Variants in SUN3 observed in about 807,000 individuals in gnomAD.
SUN3 encodes the protein Sad1 and UNC84 domain containing 3.
SUN3 carries 36 observed loss-of-function variants against 48.2 expected under a neutral mutation model. The observed-to-expected ratio is 0.75, with a 90% CI of 0.57 to 0.99. SUN3 has a LOEUF of 0.99. Among genes scored for constraint, SUN3 ranks in the 50% least tolerant of loss-of-function variants. SUN3 has a pLI of 0.00. For missense variants in SUN3, 419 were observed against 433.1 expected (o/e 0.97, Z 0.29); for synonymous variants, 148 against 147.9 (o/e 1.00, Z 0.00).
chr7:47,998,516 T>C (rs926446893), intron 6 of SUN3, among the ~76,000 whole-genome samples: 6 of 152,230 alleles, frequency 3.9e-5, no homozygotes, highest in African/African-American at 1.4e-4. Flanking sequence ...TGTCTTTTCA[T>C]TCTCGTAACT....
intron 3 of SUN3, among the ~76,000 whole-genome samples, chr7:48,010,523 C>G (rs1353516896): frequency 6.6e-6 from 1 of 152,246 alleles, no homozygotes; most frequent in Admixed American, 6.5e-5. Flanking sequence ...TAATGTAGAT[C>G]AGAGTGGAGG....
chr7:48,026,648 A>AT (rs909463714), intron 1 of SUN3, among the ~76,000 whole-genome samples: 1 of 151,742 alleles, frequency 6.6e-6, no homozygotes, highest in African/African-American at 2.4e-5. Context: ...TTGTTACTGT[A>AT]TTTAGAGATA....
chr7:48,022,879 G>T (rs761392641), intron 2 of SUN3, among the ~76,000 whole-genome samples: 1 of 151,872 alleles, frequency 6.6e-6, no homozygotes, highest in African/African-American at 2.4e-5. Context: ...TATTTAAAGC[G>T]TTGAAAGAAA....
intron 8 of SUN3, among the ~76,000 whole-genome samples, chr7:47,993,381 A>T (rs532467900): frequency 1.3e-5 from 2 of 152,232 alleles, no homozygotes; most frequent in African/African-American, 2.4e-5. Context: ...ATTATACATA[A>T]TGACCAAAAA....
intron 8 of SUN3, 68 bp downstream of exon 8, chr7:47,994,247 G>A (rs1789141021): frequency 1.3e-6 from 2 of 1,496,030 alleles, no homozygotes; most frequent in Non-Finnish European, 9.2e-7. Flanking sequence ...TCAGAGGACA[G>A]CCCCTAATTC....
At chr7:47,989,685 G>A (rs1788997584) in intron 8 of SUN3, among the ~76,000 whole-genome samples, 1 of 152,144 alleles carries the variant, frequency 6.6e-6, no homozygotes, top group Non-Finnish European at 1.5e-5. Context: ...TGTATGTGGG[G>A]AAAAGAGAGA....
Position 48,007,297 on chromosome 7 carries a change from A to G in SUN3, c.360T>C (p.Phe120=), listed in dbSNP as rs1789552554. 4 of 1,613,988 alleles carry G rather than the reference A, an allele frequency of 2.5e-6. No homozygotes were observed. Among genetic ancestry groups the G allele is most frequent in the African/African-American group, 2.7e-5 (2 of 74,940 alleles). The change falls in exon 5 of 10, where the codon TTT becomes TTC. Residue 120 remains phenylalanine (F), a synonymous_variant. Coordinates refer to ENST00000297325, the MANE Select transcript of SUN3 (RefSeq NM_001030019.2). ...GTTCGATCAAAAATAGAATTTGACG[A>G]AAATTGTTTTCCAGATTCTGGCTTT... The part of the protein sequence containing the change: ...KKESQNLENN[F]RQILFLIEQI...
intron 4 of SUN3, among the ~76,000 whole-genome samples, chr7:48,008,530 G>A (rs1789595544): frequency 6.6e-6 from 1 of 151,960 alleles, no homozygotes. Flanking sequence ...TCCATTTTTA[G>A]TTATCATAAA....
At chr7:48,001,523 TTTTTTTTG>T (rs1562602554) in intron 6 of SUN3, among the ~76,000 whole-genome samples, 4 of 91,440 alleles carry the variant, frequency 4.4e-5, no homozygotes, top group South Asian at 4.3e-4. Flanking sequence ...GTCTTTTCTG[TTTTTTTTG>T]TTTTTTTTTT....
intron 2 of SUN3, among the ~76,000 whole-genome samples, 157 bp from the exon 3 acceptor site, chr7:48,017,522 A>G (rs959919011): frequency 1.3e-5 from 2 of 152,238 alleles, no homozygotes; most frequent in African/African-American, 4.8e-5. Flanking sequence ...GGAATAGTAC[A>G]CACAAAAAAT....
At chr7:48,026,601 C>T (rs1790142647) in intron 1 of SUN3, among the ~76,000 whole-genome samples, 2 of 151,882 alleles carry the variant, frequency 1.3e-5, no homozygotes, top group Admixed American at 6.6e-5. Context: ...CACACACACA[C>T]ACACACACAC....
At chr7:48,027,720 A>G (rs1009378437) in intron 1 of SUN3, among the ~76,000 whole-genome samples, 1 of 152,224 alleles carries the variant, frequency 6.6e-6, no homozygotes, top group African/African-American at 2.4e-5. Flanking sequence ...AGTCATACCT[A>G]TTAGCCATCC....
intron 6 of SUN3, among the ~76,000 whole-genome samples, chr7:47,999,105 T>C (rs1789289968): frequency 6.6e-6 from 1 of 152,222 alleles, no homozygotes; most frequent in African/African-American, 2.4e-5. Context: ...ATCTTAATGG[T>C]ATTGAGTCTT....
intron 2 of SUN3, among the ~76,000 whole-genome samples, chr7:48,024,168 A>C (rs1790072976): frequency 6.6e-6 from 1 of 152,194 alleles, no homozygotes; most frequent in African/African-American, 2.4e-5. Context: ...TCAATATGAC[A>C]CCCTCAAAAT....
intron 2 of SUN3, among the ~76,000 whole-genome samples, chr7:48,021,240 G>T (rs1350673232): frequency 6.6e-6 from 1 of 152,050 alleles, no homozygotes; most frequent in African/African-American, 2.4e-5. Context: ...CCTATCTCCT[G>T]CCATATACAA....
At position 47,987,252 on chromosome 7, in the gene SUN3, A is replaced by G. The variant is rs370993862; in HGVS notation, c.*78T>C. On this transcript the variant is annotated 3_prime_UTR_variant, in exon 10 of 10. Transcript: ENST00000297325. The stretch of plus-strand genomic sequence containing the variant: ...TTCCCACTCCCAATTCTCAATTCCT[A>G]TGGGTGCGGTATCATCTAAGAGAAT... The G allele has an allele frequency of 2.0e-3, 2,841 of 1,439,096 alleles. 5 individuals carry two copies. The highest frequency in any genetic ancestry group is 2.5e-3 in the Non-Finnish European group (2,739 of 1,079,294). 89.1% of individuals were successfully genotyped at this position (1,439,096 alleles called of 1,614,324 possible). A position where few individuals can be genotyped will look rare whatever the true frequency, so the allele number is the denominator to read the frequency against.
chr7:48,001,918 C>A (rs2128774165), intron 6 of SUN3, among the ~76,000 whole-genome samples: 1 of 152,254 alleles, frequency 6.6e-6, no homozygotes, highest in East Asian at 1.9e-4. Context: ...ATTTACATTC[C>A]TCTGGATATC....
At chr7:48,014,212 C>T (rs1789751167) in intron 3 of SUN3, among the ~76,000 whole-genome samples, 1 of 152,146 alleles carries the variant, frequency 6.6e-6, no homozygotes, top group Non-Finnish European at 1.5e-5. Context: ...GCTGGGATTA[C>T]AGGAATGAGC....
rs1307929913 is a variant in SUN3, at chr7:48,017,306, A to G, written c.244T>C (p.Tyr82His). The change falls in exon 3 of 10, where the codon TAT (tyrosine) becomes CAT (histidine). Residue 82 changes from tyrosine (Y) to histidine (H), a missense_variant. Transcript: ENST00000297325. The stretch of plus-strand genomic sequence containing the variant: ...GAACCATATTCTGCAATTATGGCAT[A>G]TAATTGTCTGGATTTCTGAGGAACA... ...TDVPQKSRQL[Y>H]AIIAEYGSRL... The G allele has an allele frequency of 1.9e-6, 3 of 1,610,064 alleles. No homozygotes were observed. The highest frequency in any genetic ancestry group is 4.5e-5 in the East Asian group (2 of 44,768).
Sources: gnomAD v4.1 joint callset for allele counts (sites outside exome capture counted in the v4.1 genomes callset) on GRCh38, gnomAD v4.1.1 for gene constraint, MANE v1.5 for transcripts, NCBI Gene and HGNC (gene_info 2026-07-23, HGNC 2026-07-21) for gene names.